Variants in ARHGAP35 observed in about 807,000 individuals in gnomAD.
ARHGAP35 encodes Rho GTPase activating protein 35, also known as rho GTPase-activating protein 35.
A neutral mutation model predicts 111.1 loss-of-function variants in ARHGAP35; 15 were observed. The observed-to-expected ratio is 0.13, with a 90% CI of 0.09 to 0.21. ARHGAP35 has a LOEUF of 0.21. ARHGAP35 is among the 10% of genes least tolerant of loss of function. ARHGAP35 has a pLI of 1.00. For synonymous variants in ARHGAP35, 643 were observed against 710.3 expected, an observed-to-expected ratio of 0.91 and a Z score of 1.51; for missense variants, 1,262 against 1,873.0, an observed-to-expected ratio of 0.67 and a Z score of 6.02.
intron 1 of ARHGAP35, among the ~76,000 whole-genome samples, chr19:46,917,064 T>C (rs1195854364): frequency 6.6e-6 from 1 of 152,218 alleles, no homozygotes; most frequent in South Asian, 2.1e-4. Context: ...AATACTTTCA[T>C]GTTATGCAAC....
chr19:46,898,804 C>G lies in ARHGAP35; in HGVS notation c.-188-19684C>G, dbSNP rs553874175. Among the ~76,000 whole-genome samples, 64 of 151,890 alleles carry G rather than the reference C, an allele frequency of 4.2e-4. No homozygotes were observed. In the South Asian group the frequency reaches 0.013, roughly 32 times the overall value. The stretch of plus-strand genomic sequence containing the variant: ...GCTGCTGCTGCTGCTGCTGCTGCTG[C>G]TGCTGCTGTTGGAGCTGTATTGCTG... On this transcript the variant is annotated intron_variant, in intron 1 of 6. Coordinates refer to ENST00000672722, the MANE Select transcript of ARHGAP35 (RefSeq NM_004491.5).
At chr19:46,952,835 C>T (rs1334803457) in intron 3 of ARHGAP35, among the ~76,000 whole-genome samples, 1 of 152,112 alleles carries the variant, frequency 6.6e-6, no homozygotes, top group Non-Finnish European at 1.5e-5. Context: ...TGTGCCACCA[C>T]GCCCAGCAGT....
chr19:46,907,501 T>C (rs901168992), intron 1 of ARHGAP35, among the ~76,000 whole-genome samples: 27 of 150,106 alleles, frequency 1.8e-4, no homozygotes, highest in African/African-American at 6.4e-4. Flanking sequence ...TTTGTTTGTT[T>C]GTTTTTTGAG....
intron 1 of ARHGAP35, among the ~76,000 whole-genome samples, chr19:46,895,195 G>A (rs533962010): frequency 2.7e-5 from 4 of 147,174 alleles, no homozygotes; most frequent in South Asian, 2.1e-4. Flanking sequence ...ACGGAGTCTC[G>A]CTCTGTCACC....
At chr19:46,893,954 G>T (rs2056040025) in intron 1 of ARHGAP35, among the ~76,000 whole-genome samples, 1 of 141,204 alleles carries the variant, frequency 7.1e-6, no homozygotes, top group African/African-American at 2.6e-5. Flanking sequence ...ACTTTATATT[G>T]GTGAAGGCTG....
intron 1 of ARHGAP35, among the ~76,000 whole-genome samples, chr19:46,905,117 T>C (rs1314816759): frequency 6.6e-6 from 1 of 152,202 alleles, no homozygotes; most frequent in Non-Finnish European, 1.5e-5. Context: ...ACAAGGCTCT[T>C]TCTGATTCTT....
chr19:46,894,179 G>A (rs1248536618), intron 1 of ARHGAP35, among the ~76,000 whole-genome samples: 1 of 151,982 alleles, frequency 6.6e-6, no homozygotes. Context: ...TGGATTTCAA[G>A]GAAAATTATT....
rs373485652 is a variant in ARHGAP35, at chr19:46,884,707, G to A, written c.-189+23498G>A. 4.6e-5 allele frequency among the ~76,000 whole-genome samples: 7 copies of A among 151,600 alleles called. No homozygotes were observed. The East Asian group carries it at 7.7e-4, about 17-fold the overall frequency. On this transcript the variant is annotated intron_variant, in intron 1 of 6. Transcript: ENST00000672722. ...TTGCCATGTTGCCCCAGCTGGTCTTGAACTCCTGGGCTCAAGCAATTCCCC... is the reference window on the plus strand; with the variant it reads ...TTGCCATGTTGCCCCAGCTGGTCTTAAACTCCTGGGCTCAAGCAATTCCCC...
At chr19:46,923,009 AATGG>A (rs1157730852) in intron 2 of ARHGAP35, among the ~76,000 whole-genome samples, 478 of 152,288 alleles carry the variant, frequency 3.1e-3, no homozygotes, top group African/African-American at 0.011. Flanking sequence ...AGGGATCACA[AATGG>A]TGCAGGGAGA....
At chr19:46,881,146 T>C (rs907052776) in intron 1 of ARHGAP35, among the ~76,000 whole-genome samples, 1 of 152,116 alleles carries the variant, frequency 6.6e-6, no homozygotes, top group Non-Finnish European at 1.5e-5. Flanking sequence ...GGTTTCACCA[T>C]GTTGGCCAGG....
Position 46,922,255 on chromosome 19 carries a change from G to A in ARHGAP35, c.3580G>A (p.Ala1194Thr). 1 of 1,614,008 alleles carries A rather than the reference G, an allele frequency of 6.2e-7. No individual in the cohort carries two copies. Among genetic ancestry groups the A allele is most frequent in the Non-Finnish European group, 8.5e-7 (1 of 1,179,892 alleles). Residue 1194 changes from alanine (A) to threonine (T), a missense_variant, in exon 2 of 7, where the codon GCA becomes ACA. This residue lies in a region of ARHGAP35 where 579 missense variants were observed against 716.9 expected (regional missense o/e 0.81). Coordinates refer to ENST00000672722, the MANE Select transcript of ARHGAP35 (RefSeq NM_004491.5). The surrounding 1 kb of genome is among the most constrained non-coding windows in gnomAD (Gnocchi z 4.0). Reference sequence around the variant, plus strand: ...CATCCGGAAGAAAGAGGAGGATCAGGCATCCCAGGGTTATAAAGGGGACAA... The same window carrying A: ...CATCCGGAAGAAAGAGGAGGATCAGACATCCCAGGGTTATAAAGGGGACAA... ...GPIRKKEEDQ[A>T]SQGYKGDNAV...
intron 3 of ARHGAP35, among the ~76,000 whole-genome samples, chr19:46,981,875 A>G (rs531385249): frequency 2.2e-5 from 3 of 135,674 alleles, no homozygotes; most frequent in Non-Finnish European, 4.9e-5. Context: ...TTGTTTTGAG[A>G]TAGGGTCTCA....
chr19:46,959,821 TGTG>T (rs751697489), intron 3 of ARHGAP35, among the ~76,000 whole-genome samples: 7 of 148,688 alleles, frequency 4.7e-5, no homozygotes, highest in Admixed American at 3.4e-4. Flanking sequence ...CAGGTGCGAG[TGTG>T]GTGGCTCCAG....
intron 3 of ARHGAP35, among the ~76,000 whole-genome samples, chr19:46,962,270 C>T (rs541840812): frequency 6.6e-6 from 1 of 152,300 alleles, no homozygotes; most frequent in South Asian, 2.1e-4. Context: ...GAAGAGATTC[C>T]CCACTGTCTT....
chr19:46,928,648 T>A (rs1002786611), intron 2 of ARHGAP35, among the ~76,000 whole-genome samples: 4 of 152,102 alleles, frequency 2.6e-5, no homozygotes, highest in South Asian at 2.1e-4. Flanking sequence ...AGCTATGGTC[T>A]GCGCTGGGCG....
chr19:46,883,257 G>A (rs980408615), intron 1 of ARHGAP35, among the ~76,000 whole-genome samples: 1 of 144,028 alleles, frequency 6.9e-6, no homozygotes, highest in Admixed American at 7.0e-5. Flanking sequence ...ACCATGCCTG[G>A]CTAATTTTTT....
At chr19:46,924,610 G>C (rs895077873) in intron 2 of ARHGAP35, among the ~76,000 whole-genome samples, 1 of 152,188 alleles carries the variant, frequency 6.6e-6, no homozygotes, top group Non-Finnish European at 1.5e-5. Flanking sequence ...GGAAAGCATT[G>C]CTTATTTAGG....
At chr19:46,899,726 CA>C (rs965234366) in intron 1 of ARHGAP35, among the ~76,000 whole-genome samples, 71 of 138,710 alleles carry the variant, frequency 5.1e-4, no homozygotes, top group Middle Eastern at 3.6e-3. Context: ...AAAACAAAAA[CA>C]AAAAAAAAAA....
At chr19:46,886,377 C>T (rs773912120) in intron 1 of ARHGAP35, among the ~76,000 whole-genome samples, 1 of 151,988 alleles carries the variant, frequency 6.6e-6, no homozygotes, top group Non-Finnish European at 1.5e-5. Context: ...CTAGACTATG[C>T]TCCGTAAGGG....
Sources: allele counts gnomAD v4.1 joint callset (sites outside exome capture counted in the v4.1 genomes callset), GRCh38; gene constraint gnomAD v4.1.1; regional missense constraint gnomAD v4.1.1; non-coding constraint Gnocchi (gnomAD v3.1); transcripts MANE v1.5; gene names NCBI Gene and HGNC (gene_info 2026-07-23, HGNC 2026-07-21).